KALRN: variants seen among roughly 807,000 people sequenced by gnomAD.
KALRN encodes kalirin RhoGEF kinase.
In KALRN, 70 loss-of-function variants were observed where a neutral mutation model predicts 353.7. The ratio of observed to expected loss-of-function variants is 0.20; its 90% CI spans 0.16 to 0.24. KALRN has a LOEUF of 0.24. KALRN is among the 10% of genes least tolerant of loss of function. KALRN has a pLI of 1.00. For missense variants in KALRN, 2,791 were observed against 3,756.7 expected (o/e 0.74, Z 6.72); for synonymous variants, 1,391 against 1,434.8 (o/e 0.97, Z 0.69).
At chr3:124,038,712 G>C (rs1279198005) in intron 1 of KALRN, among the ~76,000 whole-genome samples, 1 of 152,226 alleles carries the variant, frequency 6.6e-6, no homozygotes, top group Non-Finnish European at 1.5e-5. Flanking sequence ...TTCAACTGAA[G>C]TGTTTGCAGT....
chr3:124,430,578 A>G, intron 15 of KALRN, 78 bp from the exon 16 acceptor site: 1 of 1,535,492 alleles, frequency 6.5e-7, no homozygotes, highest in South Asian at 1.2e-5. Flanking sequence ...CTCCAACTGA[A>G]GTCCCCATGA....
At chr3:124,203,205 C>T (rs1357538031) in intron 1 of KALRN, among the ~76,000 whole-genome samples, 1 of 152,178 alleles carries the variant, frequency 6.6e-6, no homozygotes, top group Non-Finnish European at 1.5e-5. Flanking sequence ...GGGGTGCCAA[C>T]ATTCTCCCTG....
chr3:124,353,778 A>T (rs1302835509), intron 10 of KALRN, among the ~76,000 whole-genome samples: 1 of 152,184 alleles, frequency 6.6e-6, no homozygotes, highest in East Asian at 1.9e-4. Flanking sequence ...ATAGTGAGGA[A>T]GAAAGCCAGG....
At chr3:124,245,660 G>GT (rs71884682) in intron 3 of KALRN, among the ~76,000 whole-genome samples, 35,640 of 119,734 alleles carry the variant, frequency 0.3, 4,999 homozygotes, top group African/African-American at 0.44. Flanking sequence ...GTTATTTTCT[G>GT]TTTTTTTTTG....
intron 1 of KALRN, chr3:124,152,312 T>A: frequency 8.3e-7 from 1 of 1,208,948 alleles, no homozygotes; most frequent in Non-Finnish European, 1.2e-6. Context: ...TTAATTGAAG[T>A]CTTGTTAAGC....
At chr3:124,490,377 G>T (rs1387723947) in intron 29 of KALRN, among the ~76,000 whole-genome samples, 1 of 152,198 alleles carries the variant, frequency 6.6e-6, no homozygotes, top group Non-Finnish European at 1.5e-5. Context: ...AGGAGCTATG[G>T]GATTTGCCCT....
At chr3:124,131,018 G>C (rs1238576995) in intron 1 of KALRN, among the ~76,000 whole-genome samples, 1 of 152,114 alleles carries the variant, frequency 6.6e-6, no homozygotes, top group Non-Finnish European at 1.5e-5. Context: ...TCTTGGTCTG[G>C]TGATTATATT....
intron 34 of KALRN, among the ~76,000 whole-genome samples, chr3:124,608,099 G>A (rs2077544645): frequency 6.7e-6 from 1 of 149,956 alleles, no homozygotes; most frequent in African/African-American, 2.5e-5. Flanking sequence ...GCCTCTGCCT[G>A]CCTGCTCAAG....
intron 10 of KALRN, among the ~76,000 whole-genome samples, chr3:124,349,549 C>T (rs1287089436): frequency 6.6e-6 from 1 of 152,144 alleles, no homozygotes; most frequent in Non-Finnish European, 1.5e-5. Flanking sequence ...AAAGATTGGA[C>T]ACCCCTGGTT....
At position 124,084,617 on chromosome 3, in the gene KALRN, G is replaced by GTACT. The variant is rs1320798375; in HGVS notation, c.73+50804_73+50805insTACT. 4.6e-5 allele frequency among the ~76,000 whole-genome samples: 7 copies of GTACT among 152,328 alleles called. No individual in the cohort carries two copies. The East Asian group carries it at 1.3e-3, about 29-fold the overall frequency. ...ATGTTTAGACAATTACTCCCCAAGG[G>GTACT]AGCCCAAGTACTAGCTTTGTTTATT... is the stretch of plus-strand genomic sequence containing the variant. On this transcript the variant is annotated intron_variant, in intron 1 of 59. Coordinates refer to ENST00000682506, the MANE Select transcript of KALRN (RefSeq NM_001388419.1).
intron 1 of KALRN, among the ~76,000 whole-genome samples, chr3:124,040,222 A>G (rs2039832731): frequency 6.6e-6 from 1 of 152,240 alleles, no homozygotes; most frequent in Non-Finnish European, 1.5e-5. Flanking sequence ...CTTCCTGACT[A>G]TAAATAAAAT....
At chr3:124,675,296 T>G (rs1456832244) in intron 49 of KALRN, 1 of 152,188 alleles carries the variant, frequency 6.6e-6, no homozygotes, top group Non-Finnish European at 1.5e-5. Flanking sequence ...GAAACCCATA[T>G]GGATGAAGTC....
At chr3:124,455,052 G>T in intron 21 of KALRN, 125 bp from the exon 22 acceptor site, 1 of 945,412 alleles carries the variant, frequency 1.1e-6, no homozygotes. Flanking sequence ...AACAAAGCTG[G>T]GATACATACC....
intron 2 of KALRN, among the ~76,000 whole-genome samples, chr3:124,228,850 G>C (rs146022985): frequency 2.0e-5 from 3 of 151,290 alleles, no homozygotes; most frequent in African/African-American, 7.2e-5. Flanking sequence ...AGAGAAAATT[G>C]GTTCCTTTCC....
chr3:124,492,975 C>G, intron 32 of KALRN, 93 bp downstream of exon 32: 1 of 1,430,806 alleles, frequency 7.0e-7, no homozygotes, highest in Non-Finnish European at 9.6e-7. Flanking sequence ...GGGATGTGCC[C>G]AGCAGGTGGC....
chr3:124,156,483 G>A (rs779763479), intron 1 of KALRN, among the ~76,000 whole-genome samples: 5 of 152,002 alleles, frequency 3.3e-5, no homozygotes, highest in Non-Finnish European at 5.9e-5. Context: ...CCTGTTCCCC[G>A]CCATGTTAGC....
chr3:124,051,971 C>T (rs2041086522), intron 1 of KALRN, among the ~76,000 whole-genome samples: 3 of 152,180 alleles, frequency 2.0e-5, no homozygotes, highest in African/African-American at 7.2e-5. Context: ...GAGAGTTGAG[C>T]TAGAAGGTCT....
At chr3:124,344,371 C>G (rs950247926) in intron 9 of KALRN, among the ~76,000 whole-genome samples, 1 of 152,186 alleles carries the variant, frequency 6.6e-6, no homozygotes, top group African/African-American at 2.4e-5. Flanking sequence ...TTCTCTGCTG[C>G]GCAGGATCTG....
At chr3:124,655,330 A>C (rs925012858) in intron 38 of KALRN, among the ~76,000 whole-genome samples, 2 of 152,206 alleles carry the variant, frequency 1.3e-5, no homozygotes, top group Non-Finnish European at 2.9e-5. Context: ...CACATGAAGA[A>C]TAGAAAGAAG....
Sources: gnomAD v4.1 joint callset for allele counts (sites outside exome capture counted in the v4.1 genomes callset) on GRCh38, gnomAD v4.1.1 for gene constraint, MANE v1.5 for transcripts, NCBI Gene and HGNC (gene_info 2026-07-23, HGNC 2026-07-21) for gene names.